Variants in PKHD1L1 observed in about 807,000 individuals in gnomAD.
PKHD1L1 encodes fibrocystin-L.
A neutral mutation model predicts 462.9 loss-of-function variants in PKHD1L1; 434 were observed. The observed-to-expected ratio is 0.94, with a 90% CI of 0.87 to 1.02. PKHD1L1 has a LOEUF of 1.02. PKHD1L1 is among the 50% of genes least tolerant of loss of function. PKHD1L1 has a pLI of 0.00. For missense variants in PKHD1L1, 5,202 were observed against 5,096.1 expected (o/e 1.02, Z -0.63); for synonymous variants, 1,781 against 1,750.0 (o/e 1.02, Z -0.44).
intron 2 of PKHD1L1, among the ~76,000 whole-genome samples, chr8:109,370,500 TA>T (rs1296705061): frequency 2.0e-5 from 3 of 151,656 alleles, no homozygotes; most frequent in South Asian, 2.1e-4. Flanking sequence ...TTTTATTTTT[TA>T]TTTTTTTAAT....
At chr8:109,409,826 C>T (rs1319404015) in intron 18 of PKHD1L1, 39 bp from the exon 19 acceptor site, 2 of 1,221,564 alleles carry the variant, frequency 1.6e-6, no homozygotes, top group African/African-American at 3.1e-5. Flanking sequence ...TCTAACTTTT[C>T]ATGAAAAGAA....
At chr8:109,516,845 A>G (rs1412655693) in intron 72 of PKHD1L1, among the ~76,000 whole-genome samples, 3 of 152,142 alleles carry the variant, frequency 2.0e-5, no homozygotes, top group South Asian at 4.1e-4. Flanking sequence ...ATAGGCAGAG[A>G]GTTCCACTAA....
Position 109,390,502 on chromosome 8 carries a change from A to G in PKHD1L1, c.740+8A>G. ...AGATAATGATTATGGAAGGTAGGCT[A>G]TTTTGTAAATAATAACTTTTATAAT... On this transcript the variant is annotated splice_region_variant and intron_variant, in intron 9 of 77. Coordinates refer to ENST00000378402, the MANE Select transcript of PKHD1L1 (RefSeq NM_177531.6). The G allele has an allele frequency of 7.1e-7, 1 of 1,406,576 alleles. No homozygotes were observed. Among genetic ancestry groups the G allele is most frequent in the Non-Finnish European group, 9.6e-7 (1 of 1,039,386 alleles). The allele number at this position is 1,406,576 out of a possible 1,614,324, so 87.1% of individuals were successfully genotyped here. A position where few individuals can be genotyped will look rare whatever the true frequency, so the allele number is the denominator to read the frequency against.
intron 27 of PKHD1L1, among the ~76,000 whole-genome samples, chr8:109,431,730 C>T (rs187418119): frequency 6.6e-5 from 10 of 152,134 alleles, no homozygotes; most frequent in African/African-American, 1.9e-4. Context: ...TATTGGTGGA[C>T]ATTTAGATTG....
intron 75 of PKHD1L1, 96 bp downstream of exon 75, chr8:109,522,986 T>G: frequency 6.2e-6 from 8 of 1,295,852 alleles, no homozygotes; most frequent in Non-Finnish European, 7.2e-6. Flanking sequence ...GCTGGCAGCC[T>G]GAGGATCACA....
At chr8:109,362,732 A>G (rs570345907) in intron 1 of PKHD1L1, 79 bp downstream of exon 1, 3 of 1,452,142 alleles carry the variant, frequency 2.1e-6, no homozygotes, top group South Asian at 2.4e-5. Flanking sequence ...GTCCTGGGAG[A>G]GGCAGGACCA....
Position 109,456,392 on chromosome 8 carries a change from G to A in PKHD1L1, c.7004+1G>A. 1 of 1,601,844 alleles carries A rather than the reference G, an allele frequency of 6.2e-7. No individual in the cohort carries two copies. Among genetic ancestry groups the A allele is most frequent in the Non-Finnish European group, 8.5e-7 (1 of 1,173,696 alleles). ...TTGTAATTGCAAGCACAGGACACAG[G>A]TATGATATCTTCTGGGCTTAATGAT... On this transcript the variant is annotated splice_donor_variant, in intron 46 of 77. Coordinates refer to ENST00000378402, the MANE Select transcript of PKHD1L1 (RefSeq NM_177531.6). LOFTEE classifies it high-confidence loss of function.
At position 109,412,362 on chromosome 8, in the gene PKHD1L1, T is replaced by A; in HGVS notation, c.2183T>A (p.Val728Asp). 1 of 1,613,654 alleles carries A rather than the reference T, an allele frequency of 6.2e-7. No individual in the cohort carries two copies. Among genetic ancestry groups the A allele is most frequent in the Non-Finnish European group, 8.5e-7 (1 of 1,179,670 alleles). Reference sequence around the variant, plus strand: ...GCTGTTCTTTTTGACTCAGCAGATGTTAAACCAAACAGACGACCATATGGA... The same window carrying A: ...GCTGTTCTTTTTGACTCAGCAGATGATAAACCAAACAGACGACCATATGGA... The part of the protein sequence containing the change: ...NPAVLFDSAD[V>D]KPNRRPYGDI... Residue 728 changes from valine (V) to aspartate (D), a missense_variant, in exon 20 of 78, where the codon GTT (valine) becomes GAT (aspartate). By Grantham distance (152) the Val-to-Asp change is radical (BLOSUM62 -3). Transcript: ENST00000378402.
At position 109,515,151 on chromosome 8, in the gene PKHD1L1, ACT is replaced by A; in HGVS notation, c.11554-18_11554-17del. 6.6e-7 allele frequency: 1 copy of A among 1,511,042 alleles called. No individual in the cohort carries two copies. The highest frequency in any genetic ancestry group is 1.3e-5 in the South Asian group (1 of 77,984). The allele number at this position is 1,511,042 out of a possible 1,614,324, so 93.6% of individuals were successfully genotyped here. ...TATTCTATTTTGTTGCTTTCTTAAA[ACT>A]TTTTTTTCTTTAATAGGCTGTTCTA... On this transcript the variant is annotated splice_polypyrimidine_tract_variant and intron_variant, in intron 71 of 77. Transcript: ENST00000378402.
intron 37 of PKHD1L1, among the ~76,000 whole-genome samples, chr8:109,444,243 T>C (rs1695385782): frequency 1.3e-5 from 2 of 152,170 alleles, no homozygotes; most frequent in African/African-American, 2.4e-5. Flanking sequence ...TTCTTGTAAA[T>C]AGAATCATAC....
At chr8:109,450,931 G>T in intron 40 of PKHD1L1, 44 bp from the exon 41 acceptor site, 6 of 1,533,384 alleles carry the variant, frequency 3.9e-6, no homozygotes, top group Non-Finnish European at 4.4e-6. Flanking sequence ...AATGAATCAG[G>T]GCCCGATGGC....
chr8:109,458,530 A>G (rs985156192), intron 46 of PKHD1L1, among the ~76,000 whole-genome samples: 1 of 152,190 alleles, frequency 6.6e-6, no homozygotes, highest in Non-Finnish European at 1.5e-5. Flanking sequence ...AGAAAGGTAG[A>G]TATCTCATAG....
intron 42 of PKHD1L1, 98 bp from the exon 43 acceptor site, chr8:109,452,620 T>A (rs1816595280): frequency 1.7e-6 from 1 of 597,084 alleles, no homozygotes; most frequent in African/African-American, 2.0e-5. Context: ...CTATATAATA[T>A]AAATATATTT....
Position 109,449,323 on chromosome 8 carries a change from A to G in PKHD1L1, c.6026-15A>G, listed in dbSNP as rs770715119. 3.2e-6 allele frequency: 5 copies of G among 1,548,132 alleles called. No individual in the cohort carries two copies. The highest frequency in any genetic ancestry group is 2.4e-5 in the South Asian group (2 of 81,788). Reference sequence around the variant, plus strand: ...TTAATTAGCTTTGTTTTTCCTTTTTATTTGTCTTCACTAGGGAGCTTTGGT... The same window carrying G: ...TTAATTAGCTTTGTTTTTCCTTTTTGTTTGTCTTCACTAGGGAGCTTTGGT... On this transcript the variant is annotated splice_polypyrimidine_tract_variant and intron_variant, in intron 39 of 77. Transcript: ENST00000378402.
rs1813211490 is a variant in PKHD1L1 at position 109,400,349 on chromosome 8, G to T, written c.1281+5G>T. On this transcript the variant is annotated splice_donor_5th_base_variant and intron_variant, in intron 13 of 77. Transcript: ENST00000378402. ...ACTGGACTTCCAGAAGATAAGGTAG[G>T]GAAGCCTCAGAATACTATTTGATAC... 1 of 1,611,046 alleles carries T rather than the reference G, an allele frequency of 6.2e-7. No homozygotes were observed. The highest frequency in any genetic ancestry group is 1.1e-5 in the South Asian group (1 of 90,974).
chr8:109,522,972 G>C (rs1198392827), intron 75 of PKHD1L1, 82 bp downstream of exon 75: 2 of 1,376,164 alleles, frequency 1.5e-6, no homozygotes, highest in African/African-American at 2.9e-5. Context: ...ACTCATCCTG[G>C]TGTGCTGGCA....
rs775088116 is a variant in PKHD1L1, at chr8:109,425,237, A to C, written c.2845+5A>C. ...CTTATGGACATATTCTTAAAGGTAT[A>C]TGAAAAAAATTTAAAATATTGGTGT... On this transcript the variant is annotated splice_donor_5th_base_variant and intron_variant, in intron 24 of 77. Coordinates refer to ENST00000378402, the MANE Select transcript of PKHD1L1 (RefSeq NM_177531.6). 6.4e-7 allele frequency: 1 copy of C among 1,567,240 alleles called. No homozygotes were observed. Among genetic ancestry groups the C allele is most frequent in the Non-Finnish European group, 8.6e-7 (1 of 1,162,420 alleles).
In PKHD1L1 at chr8:109,454,531, A is replaced by G. The variant is rs77695814; in HGVS notation, c.6745-192A>G. Among the ~76,000 whole-genome samples, 1,334 of 152,312 alleles carry G rather than the reference A, an allele frequency of 8.8e-3. 16 individuals carry two copies. Among genetic ancestry groups the G allele is most frequent in the African/African-American group, 0.03 (1,253 of 41,552 alleles). ...GCTAAAGTCAATCAGTATACCTTTCAAAGGTCTGGCATAGTGTATTTATTT... is the reference window on the plus strand; with the variant it reads ...GCTAAAGTCAATCAGTATACCTTTCGAAGGTCTGGCATAGTGTATTTATTT... On this transcript the variant is annotated intron_variant, in intron 44 of 77. Transcript: ENST00000378402.
intron 21 of PKHD1L1, among the ~76,000 whole-genome samples, chr8:109,414,757 A>G (rs1490298875): frequency 6.6e-6 from 1 of 152,108 alleles, no homozygotes; most frequent in Non-Finnish European, 1.5e-5. Flanking sequence ...AGAGAGTGAG[A>G]AAATGATCCA....
Sources: gnomAD v4.1 joint callset for allele counts (sites outside exome capture counted in the v4.1 genomes callset) on GRCh38, gnomAD v4.1.1 for gene constraint, MANE v1.5 for transcripts, NCBI Gene and HGNC (gene_info 2026-07-23, HGNC 2026-07-21) for gene names.